CD44: variants seen among roughly 807,000 people sequenced by gnomAD.
CD44 encodes CD44 antigen.
In CD44, 49 loss-of-function variants were observed where a neutral mutation model predicts 88.8. The ratio of observed to expected loss-of-function variants is 0.55; its 90% CI spans 0.44 to 0.70. The LOEUF is 0.70. Ranked by LOEUF, CD44 falls within the 30% of genes least tolerant of loss-of-function variation. The pLI is 0.00. For missense variants in CD44, 883 were observed against 913.8 expected, an observed-to-expected ratio of 0.97 and a Z score of 0.43; for synonymous variants, 325 against 312.3, an observed-to-expected ratio of 1.04 and a Z score of -0.43.
chr11:35,158,036 G>A (rs1214892110), intron 1 of CD44, among the ~76,000 whole-genome samples: 3 of 152,158 alleles, frequency 2.0e-5, no homozygotes, highest in Non-Finnish European at 4.4e-5. Context: ...ATCTGTTTGA[G>A]CTTCCTGTTC....
intron 1 of CD44, among the ~76,000 whole-genome samples, chr11:35,174,807 A>G (rs562498930): frequency 2.6e-5 from 4 of 152,214 alleles, no homozygotes; most frequent in East Asian, 3.8e-4. Flanking sequence ...ATTCGTTTAT[A>G]TAACAAATAC....
rs369473842 is a variant in CD44 at position 35,176,644 on chromosome 11, G to C, written c.137G>C (p.Arg46Pro). Residue 46 changes from arginine (R) to proline (P), a missense_variant, in exon 2 of 18, where the codon CGG becomes CCG. This residue lies in a region of CD44 where 252 missense variants were observed against 322.9 expected (regional missense o/e 0.78). Transcript: ENST00000428726. ...VEKNGRYSISRTEAADLCKAF... is the reference protein window; with the variant it reads ...VEKNGRYSISPTEAADLCKAF... ...AAAAATGGTCGCTACAGCATCTCTC[G>C]GACGGAGGCCGCTGACCTCTGCAAG... 6.7e-4 allele frequency: 1,088 copies of C among 1,614,168 alleles called. 13 individuals are homozygous for C. The South Asian group carries it at 0.011, about 16-fold the overall frequency.
rs61752930 is a variant in CD44 at position 35,189,886 on chromosome 11, C to T, written c.488C>T (p.Thr163Met). The change falls in exon 5 of 18, where the codon ACG becomes ATG. Residue 163 changes from threonine to methionine, a missense_variant. Physicochemically the swap from Thr to Met is moderately conservative, Grantham distance 81. Around this residue, in one of 2 missense-constraint regions of CD44, gnomAD observed 252 missense variants for 322.9 expected, o/e 0.78. Coordinates refer to ENST00000428726, the MANE Select transcript of CD44 (RefSeq NM_000610.4). ...TRYVQKGEYR[T>M]NPEDIYPSNP... is the part of the protein sequence containing the mutation. ...TATGTCCAGAAAGGAGAATACAGAA[C>T]GAATCCTGAAGACATCTACCCCAGC... 41 of 1,614,096 alleles carry T rather than the reference C, an allele frequency of 2.5e-5. No individual in the cohort carries two copies. The highest frequency in any genetic ancestry group is 1.6e-4 in the Middle Eastern group (1 of 6,062).
At chr11:35,169,672 T>C (rs761668833) in intron 1 of CD44, among the ~76,000 whole-genome samples, 3 of 152,178 alleles carry the variant, frequency 2.0e-5, no homozygotes, top group Non-Finnish European at 4.4e-5. Flanking sequence ...ATAACTGGGG[T>C]GGACCAAGAA....
chr11:35,221,558 G>T, intron 16 of CD44, 96 bp from the exon 17 acceptor site: 1 of 1,023,198 alleles, frequency 9.8e-7, no homozygotes, highest in Non-Finnish European at 1.6e-6. Flanking sequence ...GCTGACTGTG[G>T]TGCTTGTTTC....
intron 17 of CD44, among the ~76,000 whole-genome samples, chr11:35,225,766 G>A (rs181365800): frequency 3.9e-5 from 6 of 152,144 alleles, no homozygotes; most frequent in Admixed American, 1.3e-4. Flanking sequence ...GCAGTGAGCC[G>A]AGATAGTGCC....
intron 1 of CD44, among the ~76,000 whole-genome samples, chr11:35,166,163 T>C (rs1943237883): frequency 6.6e-6 from 1 of 152,198 alleles, no homozygotes; most frequent in Non-Finnish European, 1.5e-5. Context: ...TGCTAGTCAA[T>C]CTGCTAAATC....
At chr11:35,219,682 T>C (rs2295756) in intron 16 of CD44, among the ~76,000 whole-genome samples, 50,449 of 152,136 alleles carry the variant, frequency 0.33, 8,920 homozygotes, top group East Asian at 0.59. Context: ...CCTTCCTAAA[T>C]GAATGATCAC....
Position 35,232,332 on chromosome 11 carries a change from T to C in CD44, c.*2999T>C. The C allele has an allele frequency of 6.6e-6, 1 of 152,630 alleles. No individual in the cohort carries two copies. Among genetic ancestry groups the C allele is most frequent in the East Asian group, 1.9e-4 (1 of 5,200 alleles). The allele number at this position is 152,630 out of a possible 1,614,324, so 9.5% of individuals were successfully genotyped here. The stretch of plus-strand genomic sequence containing the variant: ...ATAATAATGAGGAAAGCATGATATG[T>C]ATATTGCTGAGTTGAAAGCACTTAT... On this transcript the variant is annotated 3_prime_UTR_variant, in exon 18 of 18. Transcript: ENST00000428726.
At position 35,211,318 on chromosome 11, in the gene CD44, A is replaced by T; in HGVS notation, c.1679A>T (p.Tyr560Phe). 6.2e-7 allele frequency: 1 copy of T among 1,614,030 alleles called. No individual in the cohort carries two copies. Among genetic ancestry groups the T allele is most frequent in the East Asian group, 2.2e-5 (1 of 44,870 alleles). Residue 560 changes from tyrosine to phenylalanine, a missense_variant, in exon 14 of 18, where the codon TAT (tyrosine) becomes TTT (phenylalanine). Physicochemically the swap from Tyr to Phe is conservative, Grantham distance 22. This residue lies in a region of CD44 where 631 missense variants were observed against 590.9 expected (regional missense o/e 1.07). Coordinates refer to ENST00000428726, the MANE Select transcript of CD44 (RefSeq NM_000610.4). ...SEGSTTLLEG[Y>F]TSHYPHTKES... is the part of the protein sequence containing the mutation. ...GGCTCAACTACTTTACTGGAAGGTT[A>T]TACCTCTCATTACCCACACACGAAG...
In CD44 at chr11:35,198,166, A is replaced by T. The variant is rs1424412110; in HGVS notation, c.842A>T (p.Glu281Val). 2 of 1,613,974 alleles carry T rather than the reference A, an allele frequency of 1.2e-6. No individual in the cohort carries two copies. Among genetic ancestry groups the T allele is most frequent in the Non-Finnish European group, 1.7e-6 (2 of 1,179,938 alleles). ...TCAGCAGGCTGGGAGCCAAATGAAG[A>T]AAATGAAGATGAAAGAGACAGACAC... ...TISAGWEPNE[E>V]NEDERDRHLS... Residue 281 changes from glutamate (E) to valine (V), a missense_variant, in exon 7 of 18, where the codon GAA (glutamate) becomes GTA (valine). Coordinates refer to ENST00000428726, the MANE Select transcript of CD44 (RefSeq NM_000610.4).
intron 2 of CD44, among the ~76,000 whole-genome samples, chr11:35,179,167 C>T (rs1037611507): frequency 1.3e-5 from 2 of 152,214 alleles, no homozygotes; most frequent in African/African-American, 4.8e-5. Context: ...TTCAGACTCA[C>T]AGACATTTCC....
At chr11:35,185,552 G>A (rs1052663318) in intron 3 of CD44, among the ~76,000 whole-genome samples, 2 of 151,044 alleles carry the variant, frequency 1.3e-5, no homozygotes, top group African/African-American at 4.9e-5. Context: ...ATAGCAGTCT[G>A]TCTGTCTGCC....
intron 4 of CD44, among the ~76,000 whole-genome samples, chr11:35,187,564 A>T (rs1358567824): frequency 6.6e-6 from 1 of 152,252 alleles, no homozygotes; most frequent in East Asian, 1.9e-4. Context: ...GAAAACCAAC[A>T]TCACATCGTA....
chr11:35,142,480 C>T (rs938107366), intron 1 of CD44, among the ~76,000 whole-genome samples: 10 of 152,088 alleles, frequency 6.6e-5, no homozygotes, highest in African/African-American at 1.7e-4. Context: ...AAGAGGAGAG[C>T]GTCTGAGAGC....
chr11:35,157,333 A>G (rs200439628), intron 1 of CD44, among the ~76,000 whole-genome samples: 12,057 of 148,244 alleles, frequency 0.081, 533 homozygotes, highest in South Asian at 0.13. Flanking sequence ...CTATCTATCT[A>G]TCTATCTATC....
At chr11:35,195,951 A>G (rs901197848) in intron 5 of CD44, among the ~76,000 whole-genome samples, 2 of 152,172 alleles carry the variant, frequency 1.3e-5, no homozygotes, top group East Asian at 1.9e-4. Context: ...ATATTTTTCA[A>G]TCTTCTACTT....
At chr11:35,185,601 C>A (rs1337434733) in intron 3 of CD44, among the ~76,000 whole-genome samples, 2 of 152,152 alleles carry the variant, frequency 1.3e-5, no homozygotes, top group African/African-American at 4.8e-5. Flanking sequence ...TCCATCTATC[C>A]ATCCATCTCC....
At chr11:35,141,302 C>T (rs753217799) in intron 1 of CD44, among the ~76,000 whole-genome samples, 22 of 152,130 alleles carry the variant, frequency 1.4e-4, no homozygotes, top group East Asian at 3.9e-4. Flanking sequence ...ATAAGATGGA[C>T]GAACTTGGAA....
Sources: allele counts gnomAD v4.1 joint callset (sites outside exome capture counted in the v4.1 genomes callset), GRCh38; gene constraint gnomAD v4.1.1; regional missense constraint gnomAD v4.1.1; transcripts MANE v1.5; gene names NCBI Gene and HGNC (gene_info 2026-07-23, HGNC 2026-07-21).